The following MTA3 variants were observed in gnomAD, a reference collection of about 807,000 sequenced individuals.
The protein encoded by MTA3 is metastasis associated 1 family member 3, also known as metastasis-associated protein MTA3.
Under a neutral mutation model 83.5 loss-of-function variants are expected in MTA3, and 34 were observed. The observed-to-expected ratio is 0.41, with a 90% CI of 0.31 to 0.54. The LOEUF is 0.54. Among genes scored for constraint, MTA3 ranks in the 20% least tolerant of loss-of-function variants. The probability of loss-of-function intolerance (pLI) is 0.33; values close to 1 mark genes in which losing one functional copy is unlikely to be tolerated. For missense variants in MTA3, 761 were observed against 726.4 expected, an observed-to-expected ratio of 1.05 and a Z score of -0.55; for synonymous variants, 303 against 252.7, an observed-to-expected ratio of 1.20 and a Z score of -1.89.
At chr2:42,531,492 G>A (rs1284680529) in intron 2 of MTA3, among the ~76,000 whole-genome samples, 2 of 110,546 alleles carry the variant, frequency 1.8e-5, no homozygotes, top group Admixed American at 2.8e-4. Flanking sequence ...TTGCTCTATC[G>A]CCCAGGCTAG....
intron 2 of MTA3, among the ~76,000 whole-genome samples, chr2:42,572,399 CAT>C (rs1011674198): frequency 1.4e-4 from 21 of 151,768 alleles, no homozygotes; most frequent in African/African-American, 3.6e-4. Flanking sequence ...GCCTGGGTAA[CAT>C]AGGGAAACCC....
At chr2:42,602,714 C>G (rs1682731012) in intron 3 of MTA3, among the ~76,000 whole-genome samples, 1 of 152,120 alleles carries the variant, frequency 6.6e-6, no homozygotes, top group Non-Finnish European at 1.5e-5. Flanking sequence ...GAGACACTCC[C>G]TAATGAGGTT....
intron 2 of MTA3, among the ~76,000 whole-genome samples, chr2:42,572,082 C>G (rs531687342): frequency 6.6e-6 from 1 of 152,042 alleles, no homozygotes; most frequent in African/African-American, 2.4e-5. Flanking sequence ...TCGAGACCAT[C>G]CTGGCTAACA....
chr2:42,678,136 T>C (rs1249189892), intron 8 of MTA3, among the ~76,000 whole-genome samples: 1 of 152,020 alleles, frequency 6.6e-6, no homozygotes, highest in Admixed American at 6.5e-5. Flanking sequence ...GATCAATTCT[T>C]GTGTTTTGTT....
chr2:42,584,708 A>T (rs953425453), intron 3 of MTA3, among the ~76,000 whole-genome samples: 1 of 151,976 alleles, frequency 6.6e-6, no homozygotes, highest in Non-Finnish European at 1.5e-5. Flanking sequence ...ACAACAACAA[A>T]AAGAAAAGAT....
intron 8 of MTA3, among the ~76,000 whole-genome samples, chr2:42,667,489 G>A (rs1289779105): frequency 1.3e-5 from 2 of 150,848 alleles, no homozygotes; most frequent in African/African-American, 2.4e-5. Flanking sequence ...TAAGTTTTTC[G>A]TTACTGGCTT....
At chr2:42,499,074 T>C (rs541862615) in intron 2 of MTA3, among the ~76,000 whole-genome samples, 3 of 152,284 alleles carry the variant, frequency 2.0e-5, no homozygotes, top group South Asian at 2.1e-4. Flanking sequence ...GTTTCAGTTA[T>C]ATAGGATGAA....
rs538258733 is a variant in MTA3 at position 42,562,833 on chromosome 2, G to C, written c.-140-7604G>C. Among the ~76,000 whole-genome samples, 11 of 152,226 alleles carry C rather than the reference G, an allele frequency of 7.2e-5. No homozygotes were observed. In the South Asian group the frequency reaches 2.3e-3, roughly 32 times the overall value. On this transcript the variant is annotated intron_variant, in intron 2 of 17. Coordinates refer to the MTA3 transcript ENST00000405592. Reference sequence around the variant, plus strand: ...TTTTCATCCAACTGTTTCCCAAAGAGAAGACATCTACCTGGATATTTCCAA... The same window carrying C: ...TTTTCATCCAACTGTTTCCCAAAGACAAGACATCTACCTGGATATTTCCAA...
intron 2 of MTA3, among the ~76,000 whole-genome samples, chr2:42,517,184 C>T (rs1187848150): frequency 2.0e-5 from 3 of 151,974 alleles, no homozygotes; most frequent in Admixed American, 6.6e-5. Flanking sequence ...CGCTTGAACA[C>T]GGGAGGCGGC....
chr2:42,663,140 C>T (rs1395687002), intron 8 of MTA3, among the ~76,000 whole-genome samples: 1 of 152,162 alleles, frequency 6.6e-6, no homozygotes, highest in Non-Finnish European at 1.5e-5. Context: ...TGTAGTTTAA[C>T]ACTATTCTTA....
rs1558628962 is a variant in MTA3 at position 42,732,735 on chromosome 2, C to CTGAAG, written c.1759+9700_1759+9701insTGAAG. Among the ~76,000 whole-genome samples the CTGAAG allele has an allele frequency of 4.6e-5, 7 of 152,136 alleles. No individual in the cohort carries two copies. In the South Asian group the frequency reaches 1.5e-3, roughly 32 times the overall value. ...TCCCTTTTAAAACTGAATGCAGTAC[C>CTGAAG]CAAGTGACCTCTTGAATGCTTTGCT... On this transcript the variant is annotated intron_variant, in intron 16 of 16. Transcript: ENST00000405094.
At chr2:42,673,571 C>A (rs867350810) in intron 8 of MTA3, among the ~76,000 whole-genome samples, 83 of 152,158 alleles carry the variant, frequency 5.5e-4, no homozygotes, top group African/African-American at 1.9e-3. Flanking sequence ...AGGTTGGGTT[C>A]CCTGGAAGCA....
intron 2 of MTA3, among the ~76,000 whole-genome samples, chr2:42,560,551 TAA>T (rs562992500): frequency 7.8e-6 from 1 of 128,098 alleles, no homozygotes. Context: ...GACTCCATCT[TAA>T]AAAAAAAAAC....
chr2:42,530,810 C>T (rs1408367472), intron 2 of MTA3, among the ~76,000 whole-genome samples: 1 of 151,946 alleles, frequency 6.6e-6, no homozygotes, highest in African/African-American at 2.4e-5. Context: ...GAAACTTAAT[C>T]CCCATTGTGG....
At chr2:42,638,661 A>G (rs963105558) in intron 4 of MTA3, among the ~76,000 whole-genome samples, 2 of 151,508 alleles carry the variant, frequency 1.3e-5, no homozygotes, top group African/African-American at 2.4e-5. Context: ...GCTGGGCACA[A>G]TTGTTGTCTT....
intron 16 of MTA3, among the ~76,000 whole-genome samples, chr2:42,742,297 C>A (rs1010272663): frequency 6.6e-6 from 1 of 152,104 alleles, no homozygotes; most frequent in Non-Finnish European, 1.5e-5. Flanking sequence ...CGTCACCACA[C>A]CCAGCTAATT....
chr2:42,501,632 G>C (rs1674398552), intron 2 of MTA3, among the ~76,000 whole-genome samples: 1 of 152,142 alleles, frequency 6.6e-6, no homozygotes, highest in Admixed American at 6.5e-5. Context: ...GACAAAGTGA[G>C]GCATTTATTA....
intron 2 of MTA3, among the ~76,000 whole-genome samples, chr2:42,515,703 A>G (rs993404039): frequency 6.6e-6 from 1 of 151,014 alleles, no homozygotes; most frequent in Middle Eastern, 3.4e-3. Flanking sequence ...GGGTTTCACC[A>G]TGTTGGTCAG....
intron 4 of MTA3, among the ~76,000 whole-genome samples, chr2:42,634,457 C>T (rs1416279819): frequency 6.6e-6 from 1 of 152,018 alleles, no homozygotes; most frequent in East Asian, 1.9e-4. Context: ...TGGCAGCAGG[C>T]GAGAGAAGGA....
Sources: gnomAD v4.1 joint callset for allele counts (sites outside exome capture counted in the v4.1 genomes callset) on GRCh38, gnomAD v4.1.1 for gene constraint, MANE v1.5 for transcripts, NCBI Gene and HGNC (gene_info 2026-07-23, HGNC 2026-07-21) for gene names.